Variants in ROBO1 observed in about 807,000 individuals in gnomAD.
ROBO1 encodes the protein roundabout homolog 1.
ROBO1 carries 149 observed loss-of-function variants against 195.9 expected under a neutral mutation model. The ratio of observed to expected loss-of-function variants is 0.76; its 90% CI spans 0.67 to 0.87. The LOEUF (loss-of-function observed/expected upper bound fraction) is 0.87. Ranked by LOEUF, ROBO1 falls within the 40% of genes least tolerant of loss-of-function variation. ROBO1 has a pLI of 0.00. For synonymous variants in ROBO1, 816 were observed against 733.2 expected (o/e 1.11, Z -1.82); for missense variants, 1,933 against 2,068.3 (o/e 0.93, Z 1.27).
At chr3:78,704,197 C>G (rs1177611943) in intron 8 of ROBO1, among the ~76,000 whole-genome samples, 1 of 152,072 alleles carries the variant, frequency 6.6e-6, no homozygotes, top group Non-Finnish European at 1.5e-5. Context: ...TATTATATTG[C>G]CAGATTTTCT....
intron 3 of ROBO1, among the ~76,000 whole-genome samples, chr3:78,948,902 C>T (rs1409350251): frequency 1.3e-5 from 2 of 152,146 alleles, no homozygotes; most frequent in East Asian, 3.9e-4. Flanking sequence ...GAGTGAACTC[C>T]CATTCACAAT....
intron 2 of ROBO1, among the ~76,000 whole-genome samples, chr3:79,401,187 TAA>T (rs1258323501): frequency 6.6e-6 from 1 of 151,326 alleles, no homozygotes; most frequent in African/African-American, 2.4e-5. Flanking sequence ...CTGATTTTTT[TAA>T]AAAAAAATTA....
At chr3:78,963,511 T>G (rs1375587955) in intron 3 of ROBO1, among the ~76,000 whole-genome samples, 4 of 136,544 alleles carry the variant, frequency 2.9e-5, no homozygotes, top group Non-Finnish European at 6.1e-5. Flanking sequence ...TTTTTTTTTT[T>G]TTTTTTTTTC....
In ROBO1 at chr3:78,923,059, C is replaced by A. The variant is rs555128214; in HGVS notation, c.499+15542G>T. 2.2e-4 allele frequency among the ~76,000 whole-genome samples: 33 copies of A among 152,160 alleles called. 1 individual carries two copies. The highest frequency in any genetic ancestry group is 2.1e-3 in the Admixed American group (32 of 15,290). On this transcript the variant is annotated intron_variant, in intron 4 of 30. Transcript: ENST00000464233. ...GTGCAAATTATTTTCCAATAGTTAT[C>A]CAATTATGCAATTATTAAGCAAGAT...
chr3:78,960,075 G>A (rs1046281015), intron 3 of ROBO1, among the ~76,000 whole-genome samples: 6 of 152,008 alleles, frequency 3.9e-5, no homozygotes, highest in Admixed American at 2.6e-4. Context: ...TGAGGTGGGA[G>A]GATTACTTGA....
chr3:79,109,303 T>C (rs2079842258), intron 3 of ROBO1, among the ~76,000 whole-genome samples: 1 of 151,984 alleles, frequency 6.6e-6, no homozygotes, highest in South Asian at 2.1e-4. Context: ...TGGAATCTAA[T>C]AGAACTGTAA....
chr3:79,018,134 A>G (rs2108257886), intron 3 of ROBO1, among the ~76,000 whole-genome samples: 1 of 152,274 alleles, frequency 6.6e-6, no homozygotes. Flanking sequence ...TGCCCAGAGT[A>G]ATCTGGGCGT....
At chr3:79,762,104 T>C (rs1343024429) in intron 1 of ROBO1, among the ~76,000 whole-genome samples, 3 of 152,222 alleles carry the variant, frequency 2.0e-5, no homozygotes, top group African/African-American at 7.2e-5. Flanking sequence ...CAAAGTGCTA[T>C]GGAATAGGTG....
chr3:79,270,005 G>C (rs2030374884), intron 2 of ROBO1, among the ~76,000 whole-genome samples: 1 of 151,762 alleles, frequency 6.6e-6, no homozygotes. Context: ...GATGGTTGTT[G>C]AAGAAACAAA....
At chr3:78,840,625 C>A (rs1414184788) in intron 4 of ROBO1, among the ~76,000 whole-genome samples, 1 of 152,148 alleles carries the variant, frequency 6.6e-6, no homozygotes, top group Admixed American at 6.5e-5. Flanking sequence ...TACTATCAAA[C>A]CTCAATCCTT....
chr3:78,757,811 C>A (rs2082977702), intron 4 of ROBO1, among the ~76,000 whole-genome samples: 1 of 152,286 alleles, frequency 6.6e-6, no homozygotes, highest in Middle Eastern at 3.4e-3. Context: ...AACACATGAA[C>A]TAAACAAAGG....
chr3:79,725,541 T>C (rs1414818449), intron 1 of ROBO1, among the ~76,000 whole-genome samples: 3 of 152,280 alleles, frequency 2.0e-5, no homozygotes, highest in South Asian at 4.1e-4. Flanking sequence ...TTCTTACTTA[T>C]ATCTGCAGGA....
At chr3:79,598,704 C>G (rs1252632574) in intron 1 of ROBO1, among the ~76,000 whole-genome samples, 5 of 151,884 alleles carry the variant, frequency 3.3e-5, no homozygotes, top group African/African-American at 1.2e-4. Context: ...GCTCTATGGC[C>G]CCCTCCATCA....
At chr3:78,951,180 G>A (rs1253949195) in intron 3 of ROBO1, among the ~76,000 whole-genome samples, 1 of 151,610 alleles carries the variant, frequency 6.6e-6, no homozygotes, top group Non-Finnish European at 1.5e-5. Flanking sequence ...ATAAGAGTAC[G>A]GATGAAAGCC....
At chr3:78,768,783 A>G (rs983115163) in intron 4 of ROBO1, among the ~76,000 whole-genome samples, 9 of 149,024 alleles carry the variant, frequency 6.0e-5, no homozygotes, top group Non-Finnish European at 1.2e-4. Flanking sequence ...AGCATTAGGT[A>G]TATCTCCCAA....
At chr3:78,888,417 T>C (rs980407757) in intron 4 of ROBO1, among the ~76,000 whole-genome samples, 10 of 152,202 alleles carry the variant, frequency 6.6e-5, no homozygotes, top group African/African-American at 2.4e-4. Context: ...ACAACAAAGC[T>C]ACTGCTAGTC....
chr3:79,703,087 C>A (rs1947665499), intron 1 of ROBO1, among the ~76,000 whole-genome samples: 1 of 151,846 alleles, frequency 6.6e-6, no homozygotes. Flanking sequence ...TAAATCAAGT[C>A]TTAAAGGTTA....
chr3:79,162,109 A>G (rs762833962), intron 2 of ROBO1, among the ~76,000 whole-genome samples: 2 of 152,044 alleles, frequency 1.3e-5, no homozygotes, highest in Non-Finnish European at 2.9e-5. Flanking sequence ...ATGTCTTGCC[A>G]ATAAAATTTA....
In ROBO1 at chr3:79,293,834, G is replaced by A. The variant is rs541565323; in HGVS notation, c.89-168295C>T. Among the ~76,000 whole-genome samples, 220 of 151,716 alleles carry A rather than the reference G, an allele frequency of 1.5e-3. 1 individual carries two copies. Among genetic ancestry groups the A allele is most frequent in the African/African-American group, 5.0e-3 (205 of 41,362 alleles). ...AGCACTTTGGGAGGCCGAGGTGGGC[G>A]GATCACGAGGTCAGGAGATCGAGAC... On this transcript the variant is annotated intron_variant, in intron 2 of 30. Coordinates refer to ENST00000464233, the MANE Select transcript of ROBO1 (RefSeq NM_002941.4).
Sources: gnomAD v4.1 joint callset for allele counts (sites outside exome capture counted in the v4.1 genomes callset) on GRCh38, gnomAD v4.1.1 for gene constraint, MANE v1.5 for transcripts, NCBI Gene and HGNC (gene_info 2026-07-23, HGNC 2026-07-21) for gene names.